Variants in SUGCT observed in about 807,000 individuals in gnomAD.
The protein encoded by SUGCT is succinyl-CoA:glutarate-CoA transferase, also known as succinyl-CoA:glutarate CoA-transferase.
In SUGCT, 41 loss-of-function variants were observed where a neutral mutation model predicts 55.0. That is an observed-to-expected ratio of 0.74 (90% CI 0.58 to 0.97). The LOEUF is 0.97. Ranked by LOEUF, SUGCT falls within the 50% of genes least tolerant of loss-of-function variation. SUGCT has a pLI of 0.00. For synonymous variants in SUGCT, 187 were observed against 200.4 expected (o/e 0.93, Z 0.56); for missense variants, 568 against 547.8 (o/e 1.04, Z -0.37).
intron 6 of SUGCT, among the ~76,000 whole-genome samples, chr7:40,205,549 G>C (rs538250132): frequency 3.2e-4 from 48 of 150,220 alleles, no homozygotes; most frequent in African/African-American, 1.1e-3. Context: ...GCTGAGGCGG[G>C]AGAATCACTT....
chr7:40,390,368 C>T (rs1358022483), intron 9 of SUGCT, among the ~76,000 whole-genome samples: 6 of 152,078 alleles, frequency 3.9e-5, no homozygotes, highest in East Asian at 1.9e-4. Context: ...GATGACATGA[C>T]TGTATATTTA....
chr7:40,376,812 A>G (rs1229558548), intron 9 of SUGCT, among the ~76,000 whole-genome samples: 2 of 149,860 alleles, frequency 1.3e-5, no homozygotes, highest in African/African-American at 2.5e-5. Context: ...TTCCTTCTGT[A>G]TGAAAACTTC....
chr7:40,817,392 G>A (rs1220817531), intron 13 of SUGCT, among the ~76,000 whole-genome samples: 8 of 152,118 alleles, frequency 5.3e-5, no homozygotes, highest in Admixed American at 4.6e-4. Context: ...CCCTGAATAA[G>A]CAGTGATAGA....
chr7:40,193,524 A>G (rs1454304108), intron 5 of SUGCT, among the ~76,000 whole-genome samples: 1 of 151,630 alleles, frequency 6.6e-6, no homozygotes, highest in East Asian at 1.9e-4. Context: ...ACCTTAAGTG[A>G]TCTGCCTACC....
chr7:40,532,522 A>ATGTC (rs1554360113), intron 12 of SUGCT, among the ~76,000 whole-genome samples: 2 of 119,948 alleles, frequency 1.7e-5, no homozygotes, highest in Non-Finnish European at 3.4e-5. Context: ...CTGAGCAAGT[A>ATGTC]TGTCTGTGTG....
chr7:40,775,938 C>T (rs544448335), intron 13 of SUGCT, among the ~76,000 whole-genome samples: 1 of 152,264 alleles, frequency 6.6e-6, no homozygotes, highest in South Asian at 2.1e-4. Context: ...AGTTTGTGTT[C>T]TAAAGAATCT....
At chr7:40,714,871 C>T (rs1785933053) in intron 12 of SUGCT, among the ~76,000 whole-genome samples, 2 of 152,182 alleles carry the variant, frequency 1.3e-5, no homozygotes. Context: ...TACTTTTCTC[C>T]TTCCGTGAAG....
At chr7:40,506,631 T>C (rs1421891575) in intron 12 of SUGCT, among the ~76,000 whole-genome samples, 1 of 152,160 alleles carries the variant, frequency 6.6e-6, no homozygotes, top group Non-Finnish European at 1.5e-5. Flanking sequence ...TTTTTAAAAA[T>C]TCTTCTTTCT....
chr7:40,905,397 A>G, the SUGCT span, among the ~76,000 whole-genome samples: 1 of 152,264 alleles, frequency 6.6e-6, no homozygotes, highest in African/African-American at 2.4e-5. Flanking sequence ...AAGAGATGAT[A>G]AAAGGAAATA....
At chr7:40,172,336 C>T (rs760534683) in intron 1 of SUGCT, among the ~76,000 whole-genome samples, 19 of 152,010 alleles carry the variant, frequency 1.2e-4, no homozygotes, top group African/African-American at 3.1e-4. Context: ...TGGTGGGAAA[C>T]GGGTCCCACA....
chr7:40,855,695 G>C (rs558671330), intron 13 of SUGCT, among the ~76,000 whole-genome samples: 10 of 152,194 alleles, frequency 6.6e-5, no homozygotes, highest in African/African-American at 1.9e-4. Context: ...ACTTTTACTG[G>C]ATCTACTCTG....
chr7:40,377,136 T>C (rs940004598), intron 9 of SUGCT, among the ~76,000 whole-genome samples: 2 of 10,982 alleles, frequency 1.8e-4, no homozygotes, highest in Non-Finnish European at 6.3e-4. Context: ...TCCTCTTTCT[T>C]TCTTTCTTTC....
chr7:40,775,668 A>G (rs1051824001), intron 13 of SUGCT: 1 of 152,244 alleles, frequency 6.6e-6, no homozygotes, highest in Admixed American at 6.5e-5. Flanking sequence ...CTTTTAGAGC[A>G]CAAACCCAAG....
intron 12 of SUGCT, among the ~76,000 whole-genome samples, chr7:40,705,291 T>C (rs533672983): frequency 5.9e-5 from 9 of 152,332 alleles, no homozygotes; most frequent in African/African-American, 2.2e-4. Context: ...AAACCAGAAA[T>C]TGACATTGGT....
At chr7:40,289,677 A>G (rs1584582599) in intron 8 of SUGCT, among the ~76,000 whole-genome samples, 2 of 152,314 alleles carry the variant, frequency 1.3e-5, no homozygotes, top group African/African-American at 4.8e-5. Flanking sequence ...GGAGAAGGAA[A>G]TAAAGGGTAT....
intron 9 of SUGCT, among the ~76,000 whole-genome samples, chr7:40,364,799 C>G (rs1783840378): frequency 6.6e-6 from 1 of 151,958 alleles, no homozygotes; most frequent in South Asian, 2.1e-4. Context: ...GAGTCCAGGA[C>G]CAGATGGATT....
At chr7:40,187,064 A>G (rs867658942) in intron 3 of SUGCT, among the ~76,000 whole-genome samples, 156 of 152,340 alleles carry the variant, frequency 1.0e-3, no homozygotes, top group African/African-American at 3.5e-3. Context: ...GACTGGATTA[A>G]GAAAATGTGG....
chr7:40,663,456 A>G (rs1418234831), intron 12 of SUGCT, among the ~76,000 whole-genome samples: 2 of 140,528 alleles, frequency 1.4e-5, no homozygotes, highest in African/African-American at 5.3e-5. Flanking sequence ...TTCTTTTCTC[A>G]CTATATTCAC....
chr7:40,355,054 C>T (rs951976214), intron 9 of SUGCT, among the ~76,000 whole-genome samples: 1 of 152,200 alleles, frequency 6.6e-6, no homozygotes, highest in East Asian at 1.9e-4. Flanking sequence ...CCATAGAGTT[C>T]CATAAAACTC....
Sources: gnomAD v4.1 joint callset for allele counts (sites outside exome capture counted in the v4.1 genomes callset) on GRCh38, gnomAD v4.1.1 for gene constraint, MANE v1.5 for transcripts, NCBI Gene and HGNC (gene_info 2026-07-23, HGNC 2026-07-21) for gene names.